MOSPD2: variants seen among roughly 807,000 people sequenced by gnomAD.
MOSPD2 encodes the protein motile sperm domain-containing protein 2.
MOSPD2 carries 5 observed loss-of-function variants against 41.7 expected under a neutral mutation model. The ratio of observed to expected loss-of-function variants is 0.12; its 90% CI spans 0.06 to 0.25. The LOEUF is 0.25. Among genes scored for constraint, MOSPD2 ranks in the 10% least tolerant of loss-of-function variants. The pLI, the probability that MOSPD2 is intolerant of heterozygous loss-of-function variation, is 1.00. For synonymous variants in MOSPD2, 115 were observed against 126.9 expected, an observed-to-expected ratio of 0.91 and a Z score of 0.63; for missense variants, 282 against 375.2, an observed-to-expected ratio of 0.75 and a Z score of 2.05.
At chrX:14,874,144 T>C (rs1367665992) in intron 2 of MOSPD2, 1 of 197,202 alleles carries the variant, frequency 5.1e-6, no homozygotes, top group Non-Finnish European at 9.4e-6. Flanking sequence ...CATAATACTA[T>C]TGATGTGTAC....
At chrX:14,917,749 G>A (rs1281636462) in intron 13 of MOSPD2, among the ~76,000 whole-genome samples, 3 of 112,033 alleles carry the variant, frequency 2.7e-5, no homozygotes, top group African/African-American at 9.7e-5. Flanking sequence ...GCTGGGCGCA[G>A]TGGCTCACAC....
At chrX:14,901,620 AAT>A (rs747835418) in intron 6 of MOSPD2, among the ~76,000 whole-genome samples, 2 of 110,719 alleles carry the variant, frequency 1.8e-5, no homozygotes, top group Non-Finnish European at 3.8e-5. Flanking sequence ...AAGAATGATC[AAT>A]AGTGTCCAGT....
At chrX:14,905,133 CTA>C (rs754961656) in intron 7 of MOSPD2, among the ~76,000 whole-genome samples, 1 of 111,479 alleles carries the variant, frequency 9.0e-6, no homozygotes, top group East Asian at 2.9e-4. Context: ...AAACCTGAAT[CTA>C]TGAAAACCCA....
chrX:14,900,394 TTA>T (rs2092571002), intron 5 of MOSPD2, among the ~76,000 whole-genome samples, 179 bp from the exon 6 acceptor site: 1 of 112,100 alleles, frequency 8.9e-6, no homozygotes, highest in African/African-American at 3.2e-5. Context: ...GGGCTGATTA[TTA>T]TAAATAGCTT....
intron 2 of MOSPD2, among the ~76,000 whole-genome samples, chrX:14,892,376 A>C (rs2092555453): frequency 9.0e-6 from 1 of 111,272 alleles, no homozygotes; most frequent in Admixed American, 9.6e-5. Context: ...TCTTTTCAAC[A>C]ATCAGTTCGT....
intron 7 of MOSPD2, among the ~76,000 whole-genome samples, chrX:14,908,307 G>T (rs867089044): frequency 8.9e-6 from 1 of 111,744 alleles, no homozygotes; most frequent in Non-Finnish European, 1.9e-5. Context: ...TTGAGATTTC[G>T]TAAGTTTCCC....
chrX:14,878,372 A>G (rs1042392473), intron 2 of MOSPD2, among the ~76,000 whole-genome samples: 1 of 111,951 alleles, frequency 8.9e-6, no homozygotes, highest in African/African-American at 3.2e-5. Flanking sequence ...ACCCTTACTC[A>G]TATTTAGCGT....
At chrX:14,895,989 C>T (rs748554046) in intron 4 of MOSPD2, among the ~76,000 whole-genome samples, 1 of 111,511 alleles carries the variant, frequency 9.0e-6, no homozygotes, top group South Asian at 3.8e-4. Flanking sequence ...AGCATGTGGT[C>T]CGTCTCTGAG....
rs1215681142 is a variant in MOSPD2 at position 14,883,194 on chromosome X, GA to G, written c.79+9447del. On this transcript the variant is annotated intron_variant, in intron 2 of 14. Transcript: ENST00000380492. The stretch of plus-strand genomic sequence containing the variant: ...GGGCAACAGAGTGAGACTCCATCTC[GA>G]AAAAAAAAAAGAGTCTGTTACTAGA... Among the ~76,000 whole-genome samples the G allele has an allele frequency of 7.1e-4, 72 of 100,968 alleles. 1 individual carries two copies. Among genetic ancestry groups the G allele is most frequent in the Admixed American group, 4.5e-3 (43 of 9,482 alleles). The allele number at this position is 100,968 out of a possible 115,157, so 87.7% of individuals were successfully genotyped here.
At chrX:14,905,041 A>G (rs908912286) in intron 7 of MOSPD2, among the ~76,000 whole-genome samples, 2 of 111,864 alleles carry the variant, frequency 1.8e-5, no homozygotes, top group Non-Finnish European at 3.8e-5. Flanking sequence ...AGCTGAGGGC[A>G]AAGTGCAGAT....
At chrX:14,909,711 A>G in intron 8 of MOSPD2, among the ~76,000 whole-genome samples, 1 of 111,484 alleles carries the variant, frequency 9.0e-6, no homozygotes, top group South Asian at 3.7e-4. Context: ...TTTTTTTGCA[A>G]TCTATTTTTT....
chrX:14,886,722 A>G (rs2092542237), intron 2 of MOSPD2, among the ~76,000 whole-genome samples: 3 of 111,919 alleles, frequency 2.7e-5, no homozygotes, highest in Non-Finnish European at 5.6e-5. Flanking sequence ...CATCAGCAGT[A>G]TGTAGGAACT....
chrX:14,899,927 A>G (rs968398426), intron 5 of MOSPD2, among the ~76,000 whole-genome samples: 2 of 111,271 alleles, frequency 1.8e-5, no homozygotes, highest in African/African-American at 6.5e-5. Context: ...CCAACCAGAT[A>G]GCTATGTTTG....
chrX:14,873,501 A>G lies in MOSPD2; in HGVS notation c.-28A>G. On this transcript the variant is annotated 5_prime_UTR_variant, in exon 1 of 15. Coordinates refer to ENST00000380492, the MANE Select transcript of MOSPD2 (RefSeq NM_152581.4). ...CGACGGTAGAACGGGCGACGGCGAC[A>G]ACCGCAATCACATCCACGACGGTGA... The G allele has an allele frequency of 8.3e-7, 1 of 1,211,721 alleles. No individual in the cohort carries two copies. The highest frequency in any genetic ancestry group is 1.1e-6 in the Non-Finnish European group (1 of 895,344).
At chrX:14,880,674 G>A (rs936229580) in intron 2 of MOSPD2, among the ~76,000 whole-genome samples, 5 of 111,551 alleles carry the variant, frequency 4.5e-5, no homozygotes, top group Non-Finnish European at 9.5e-5. Context: ...TGTTTGTTTT[G>A]TTTAGTTCCC....
In MOSPD2 at chrX:14,921,531, TC is replaced by T. The variant is rs2092609609; in HGVS notation, c.*1724del. 7.9e-6 allele frequency: 4 copies of T among 507,680 alleles called. No homozygotes were observed. Among genetic ancestry groups the T allele is most frequent in the Non-Finnish European group, 1.1e-5 (4 of 365,435 alleles). 41.8% of individuals were successfully genotyped at this position (507,680 alleles called of 1,213,427 possible). On this transcript the variant is annotated 3_prime_UTR_variant, in exon 15 of 15. Transcript: ENST00000380492. ...CAAAGTAGTTGTGTATGTTTTCTGT[TC>T]CTTGGCAAATAAATGAAGAAATAAT...
At chrX:14,916,851 G>A (rs1030662775) in intron 13 of MOSPD2, among the ~76,000 whole-genome samples, 2 of 111,957 alleles carry the variant, frequency 1.8e-5, no homozygotes, top group East Asian at 5.6e-4. Flanking sequence ...GGAAAAACTT[G>A]CATATATAGA....
At position 14,919,842 on chromosome X, in the gene MOSPD2, T is replaced by TC. The variant is rs1448064944; in HGVS notation, c.*34dup. ...GTGCCGGGTAGGAACCACGGTTCCT[T>TC]CGTCCATTAGTTGGAAAAAGTAACA... On this transcript the variant is annotated 3_prime_UTR_variant, in exon 15 of 15. Coordinates refer to ENST00000380492, the MANE Select transcript of MOSPD2 (RefSeq NM_152581.4). The TC allele has an allele frequency of 3.4e-6, 4 of 1,184,691 alleles. No individual in the cohort carries two copies. The highest frequency in any genetic ancestry group is 4.5e-6 in the Non-Finnish European group (4 of 882,180).
At chrX:14,901,811 A>G (rs1252092100) in intron 6 of MOSPD2, among the ~76,000 whole-genome samples, 2 of 110,806 alleles carry the variant, frequency 1.8e-5, no homozygotes, top group Non-Finnish European at 3.8e-5. Context: ...GATCATTGAA[A>G]TATCTAAAGG....
Sources: allele counts gnomAD v4.1 joint callset (sites outside exome capture counted in the v4.1 genomes callset), GRCh38; gene constraint gnomAD v4.1.1; transcripts MANE v1.5; gene names NCBI Gene and HGNC (gene_info 2026-07-23, HGNC 2026-07-21).